Variants in PLXNA4 observed in about 807,000 individuals in gnomAD.
PLXNA4 encodes the protein plexin-A4.
PLXNA4 carries 44 observed loss-of-function variants against 191.8 expected under a neutral mutation model. The observed-to-expected ratio is 0.23, with a 90% CI of 0.18 to 0.29. The LOEUF (loss-of-function observed/expected upper bound fraction) is 0.29, where lower values mean the gene tolerates loss of function less well. PLXNA4 is among the 10% of genes least tolerant of loss of function. The pLI is 1.00. For missense variants in PLXNA4, 1,800 were observed against 2,488.8 expected, an observed-to-expected ratio of 0.72 and a Z score of 5.89; for synonymous variants, 1,082 against 1,009.5, an observed-to-expected ratio of 1.07 and a Z score of -1.36.
chr7:132,361,298 T>C (rs1180976464), intron 3 of PLXNA4, among the ~76,000 whole-genome samples: 4 of 152,164 alleles, frequency 2.6e-5, no homozygotes, highest in Non-Finnish European at 5.9e-5. Flanking sequence ...ATGCCTTGTG[T>C]GTGCACTCAC....
intron 20 of PLXNA4, among the ~76,000 whole-genome samples, chr7:132,177,519 C>A (rs1207381375): frequency 6.6e-6 from 1 of 152,188 alleles, no homozygotes; most frequent in Non-Finnish European, 1.5e-5. Flanking sequence ...CAGCATAGCT[C>A]GCCCCTAAAG....
At chr7:132,454,665 G>C (rs1796249984) in intron 3 of PLXNA4, among the ~76,000 whole-genome samples, 1 of 151,980 alleles carries the variant, frequency 6.6e-6, no homozygotes, top group Non-Finnish European at 1.5e-5. Context: ...GTTAAAATGA[G>C]ATCACTAGGG....
chr7:132,192,865 A>T (rs1481199898), intron 14 of PLXNA4, among the ~76,000 whole-genome samples: 2 of 152,038 alleles, frequency 1.3e-5, no homozygotes, highest in Non-Finnish European at 2.9e-5. Flanking sequence ...CTTTGAAGGG[A>T]TGAGAGGTTC....
At chr7:132,274,004 T>TAAAAAA (rs5887563) in intron 4 of PLXNA4, among the ~76,000 whole-genome samples, 1 of 147,112 alleles carries the variant, frequency 6.8e-6, no homozygotes. Flanking sequence ...TATTCAGCAG[T>TAAAAAA]AAAAAAAAAA....
At chr7:132,567,811 A>T (rs896176762) in intron 1 of PLXNA4, among the ~76,000 whole-genome samples, 1 of 152,212 alleles carries the variant, frequency 6.6e-6, no homozygotes, top group Admixed American at 6.5e-5. Flanking sequence ...AAAAGCATGA[A>T]TTGAGTTACT....
intron 2 of PLXNA4, among the ~76,000 whole-genome samples, chr7:132,644,640 G>A (rs1304819791): frequency 6.6e-6 from 1 of 152,148 alleles, no homozygotes; most frequent in Non-Finnish European, 1.5e-5. Flanking sequence ...TTGGTTCCAG[G>A]GAAATAGATG....
At chr7:132,183,324 G>A (rs1009278400) in intron 16 of PLXNA4, among the ~76,000 whole-genome samples, 16 of 152,152 alleles carry the variant, frequency 1.1e-4, no homozygotes, top group East Asian at 1.9e-4. Flanking sequence ...CATCTTCCCT[G>A]TCCTCTCAAT....
At chr7:132,352,955 A>G (rs1563052492) in intron 3 of PLXNA4, among the ~76,000 whole-genome samples, 1 of 152,162 alleles carries the variant, frequency 6.6e-6, no homozygotes, top group Non-Finnish European at 1.5e-5. Flanking sequence ...TATGTATGAA[A>G]TATCACTTCC....
chr7:132,487,776 C>T (rs1256712345), intron 3 of PLXNA4, among the ~76,000 whole-genome samples: 1 of 152,176 alleles, frequency 6.6e-6, no homozygotes, highest in African/African-American at 2.4e-5. Context: ...GTGGGGATAA[C>T]ATGCCCATGT....
In PLXNA4 at chr7:132,424,313, A is replaced by G. The variant is rs565274890; in HGVS notation, c.1371+64979T>C. Reference sequence around the variant, plus strand: ...TGAGCAACTTTTGGAAAAGAGGCAGATCTAGGAAATCCATACCAAGTCCCA... The same window carrying G: ...TGAGCAACTTTTGGAAAAGAGGCAGGTCTAGGAAATCCATACCAAGTCCCA... On this transcript the variant is annotated intron_variant, in intron 3 of 31. Coordinates refer to ENST00000321063, the MANE Select transcript of PLXNA4 (RefSeq NM_020911.2). Among the ~76,000 whole-genome samples the G allele has an allele frequency of 5.0e-4, 76 of 152,298 alleles. No individual in the cohort carries two copies. The South Asian group carries it at 0.015, about 30-fold the overall frequency.
intron 5 of PLXNA4, among the ~76,000 whole-genome samples, chr7:132,240,537 C>T (rs1398904757): frequency 6.6e-6 from 1 of 152,186 alleles, no homozygotes; most frequent in Non-Finnish European, 1.5e-5. Flanking sequence ...TGGGAGGGTC[C>T]TCAGGTGCTA....
At chr7:132,141,134 T>G in intron 29 of PLXNA4, among the ~76,000 whole-genome samples, 1 of 152,176 alleles carries the variant, frequency 6.6e-6, no homozygotes, top group East Asian at 1.9e-4. Flanking sequence ...GCAGCCATGA[T>G]GTATGCTATA....
chr7:132,362,170 A>C (rs1803970975), intron 3 of PLXNA4, among the ~76,000 whole-genome samples: 1 of 152,224 alleles, frequency 6.6e-6, no homozygotes, highest in South Asian at 2.1e-4. Flanking sequence ...ATCATCAAGT[A>C]AGGCCAAGAT....
chr7:132,550,802 C>T (rs946928346), intron 1 of PLXNA4, among the ~76,000 whole-genome samples: 2 of 11,272 alleles, frequency 1.8e-4, no homozygotes, highest in East Asian at 0.33. Flanking sequence ...AGTCCCTCAT[C>T]CAATTTGGGA....
chr7:132,260,711 G>A (rs1799609900), intron 4 of PLXNA4, among the ~76,000 whole-genome samples: 1 of 152,040 alleles, frequency 6.6e-6, no homozygotes, highest in South Asian at 2.1e-4. Context: ...TTCAGGGGTT[G>A]GACGGGGTTG....
chr7:132,498,623 A>G (rs1798125859), intron 2 of PLXNA4, among the ~76,000 whole-genome samples: 2 of 152,156 alleles, frequency 1.3e-5, no homozygotes, highest in Admixed American at 1.3e-4. Flanking sequence ...TGCATGGGAA[A>G]AAACACGGTA....
At chr7:132,305,451 C>A (rs1331420784) in intron 3 of PLXNA4, among the ~76,000 whole-genome samples, 3 of 152,040 alleles carry the variant, frequency 2.0e-5, no homozygotes, top group Admixed American at 2.0e-4. Flanking sequence ...GCCACTCAGT[C>A]CCTGGCCCGG....
At chr7:132,563,752 C>T (rs1269996300) in intron 1 of PLXNA4, among the ~76,000 whole-genome samples, 1 of 114,044 alleles carries the variant, frequency 8.8e-6, no homozygotes, top group African/African-American at 3.4e-5. Context: ...CTCCCTCCTC[C>T]TTCTCCTCCT....
intron 14 of PLXNA4, among the ~76,000 whole-genome samples, 196 bp downstream of exon 14, chr7:132,193,866 G>A (rs1797168712): frequency 6.6e-6 from 1 of 152,188 alleles, no homozygotes; most frequent in Non-Finnish European, 1.5e-5. Context: ...AGAAAAGTCT[G>A]GATTTGAATC....
Sources: gnomAD v4.1 joint callset for allele counts (sites outside exome capture counted in the v4.1 genomes callset) on GRCh38, gnomAD v4.1.1 for gene constraint, MANE v1.5 for transcripts, NCBI Gene and HGNC (gene_info 2026-07-23, HGNC 2026-07-21) for gene names.